PKNOX1: variants seen among roughly 807,000 people sequenced by gnomAD.
PKNOX1 encodes the protein PBX/knotted 1 homeobox 1.
Under a neutral mutation model 51.9 loss-of-function variants are expected in PKNOX1, and 15 were observed. The ratio of observed to expected loss-of-function variants is 0.29; its 90% confidence interval spans 0.19 to 0.45. The LOEUF (loss-of-function observed/expected upper bound fraction) is 0.45. Among genes scored for constraint, PKNOX1 ranks in the 20% least tolerant of loss-of-function variants. The pLI, the probability that PKNOX1 is intolerant of heterozygous loss-of-function variation, is 1.00. For missense variants in PKNOX1, 462 were observed against 547.5 expected, an observed-to-expected ratio of 0.84 and a Z score of 1.56; for synonymous variants, 219 against 211.1, an observed-to-expected ratio of 1.04 and a Z score of -0.32.
rs146858763 is a variant in PKNOX1, at chr21:43,004,380, C to T, written c.-2C>T. The T allele has an allele frequency of 1.0e-5, 16 of 1,601,476 alleles. No individual in the cohort carries two copies. Among genetic ancestry groups the T allele is most frequent in the East Asian group, 4.5e-5 (2 of 44,802 alleles). On this transcript the variant is annotated 5_prime_UTR_variant, in exon 2 of 11. Transcript: ENST00000291547. ...TGATGTCTTATAAAACTCTGATGAACCATGATGGCTACACAGACATTAAGT... is the reference window on the plus strand; with the variant it reads ...TGATGTCTTATAAAACTCTGATGAATCATGATGGCTACACAGACATTAAGT...
Position 43,004,608 on chromosome 21 carries a change from G to A in PKNOX1, c.51+176G>A, listed in dbSNP as rs373226819. On this transcript the variant is annotated intron_variant, in intron 2 of 10. Coordinates refer to ENST00000291547, the MANE Select transcript of PKNOX1 (RefSeq NM_004571.5). ...AAAAGCCATAGAATAATACTATTTC[G>A]TTAACTGATACCAAGATTGCCAGGA... Among the ~76,000 whole-genome samples, 6 of 152,204 alleles carry A rather than the reference G, an allele frequency of 3.9e-5. No homozygotes were observed. The East Asian group carries it at 5.8e-4, about 15-fold the overall frequency.
At chr21:42,981,562 A>T (rs2059026073) in intron 1 of PKNOX1, among the ~76,000 whole-genome samples, 1 of 140,624 alleles carries the variant, frequency 7.1e-6, no homozygotes, top group African/African-American at 2.5e-5. Context: ...ATTTAATTTT[A>T]ATTTTATTTT....
rs376866455 is a variant in PKNOX1 at position 42,991,236 on chromosome 21, C to T, written c.-56-13090C>T. On this transcript the variant is annotated intron_variant, in intron 1 of 10. Transcript: ENST00000291547. ...GCACTGTGACTCACAGCTGTAACCC[C>T]AGCATTTCGTGAGGCCAAGGTGGGA... is the stretch of plus-strand genomic sequence containing the variant. 5.3e-5 allele frequency among the ~76,000 whole-genome samples: 8 copies of T among 151,866 alleles called. No homozygotes were observed. In the South Asian group the frequency reaches 6.2e-4, roughly 12 times the overall value.
intron 1 of PKNOX1, among the ~76,000 whole-genome samples, chr21:42,978,516 C>T (rs1235941328): frequency 7.2e-6 from 1 of 139,104 alleles, no homozygotes; most frequent in Non-Finnish European, 1.5e-5. Flanking sequence ...GATGGAGTCG[C>T]TCTGTCGCCC....
chr21:42,985,721 G>A (rs938702609), intron 1 of PKNOX1, among the ~76,000 whole-genome samples: 5 of 151,960 alleles, frequency 3.3e-5, no homozygotes, highest in African/African-American at 9.7e-5. Context: ...ATTGCAGGCC[G>A]GGCGTGGTGG....
At chr21:43,009,572 C>T (rs1398839289) in intron 3 of PKNOX1, among the ~76,000 whole-genome samples, 2 of 134,760 alleles carry the variant, frequency 1.5e-5, no homozygotes, top group East Asian at 4.5e-4. Flanking sequence ...GATCGTGCCG[C>T]TGCACTCCAG....
intron 1 of PKNOX1, among the ~76,000 whole-genome samples, chr21:42,976,217 ACTT>A (rs1322317781): frequency 6.6e-6 from 1 of 151,852 alleles, no homozygotes. Context: ...ACAGTATACT[ACTT>A]AAAGTGTGCA....
intron 1 of PKNOX1, among the ~76,000 whole-genome samples, chr21:42,982,789 A>G (rs910320098): frequency 2.0e-5 from 3 of 152,018 alleles, no homozygotes; most frequent in Non-Finnish European, 4.4e-5. Flanking sequence ...GTTCTTCTAA[A>G]TTTAGTTACG....
At chr21:42,978,917 A>G (rs2059012286) in intron 1 of PKNOX1, among the ~76,000 whole-genome samples, 1 of 151,974 alleles carries the variant, frequency 6.6e-6, no homozygotes, top group African/African-American at 2.4e-5. Context: ...TATGTTTTTG[A>G]GAGACAGGGT....
At chr21:42,997,900 C>T (rs768321623) in intron 1 of PKNOX1, among the ~76,000 whole-genome samples, 15 of 151,938 alleles carry the variant, frequency 9.9e-5, no homozygotes, top group South Asian at 2.1e-4. Flanking sequence ...ACTTGGAGTG[C>T]GGAAGGGGGT....
intron 1 of PKNOX1, among the ~76,000 whole-genome samples, chr21:42,991,882 G>A (rs1397045183): frequency 1.3e-5 from 2 of 152,164 alleles, no homozygotes; most frequent in African/African-American, 4.8e-5. Context: ...ATTTATTTAT[G>A]TACTTACTGA....
chr21:43,019,391 C>CAAATA (rs1023340431), intron 7 of PKNOX1, among the ~76,000 whole-genome samples: 5 of 101,514 alleles, frequency 4.9e-5, no homozygotes, highest in Non-Finnish European at 9.8e-5. Flanking sequence ...AACTCCATCT[C>CAAATA]AAATAAAATA....
At position 42,987,618 on chromosome 21, in the gene PKNOX1, CTT is replaced by C. The variant is rs34065433; in HGVS notation, c.-57+12970_-57+12971del. On this transcript the variant is annotated intron_variant, in intron 1 of 10. Coordinates refer to ENST00000291547, the MANE Select transcript of PKNOX1 (RefSeq NM_004571.5). Reference sequence around the variant, plus strand: ...GCCCTAGGGCTGAGAATGGTTTCTACTTTTTTTTTTTTTTTTTGAGATGGAGT... The same window carrying C: ...GCCCTAGGGCTGAGAATGGTTTCTACTTTTTTTTTTTTTTTGAGATGGAGT... Among the ~76,000 whole-genome samples, 969 of 113,092 alleles carry C rather than the reference CTT, an allele frequency of 8.6e-3. 13 individuals are homozygous for C. Among genetic ancestry groups the C allele is most frequent in the African/African-American group, 0.028 (854 of 30,298 alleles). 74.2% of individuals were successfully genotyped at this position (113,092 alleles called of 152,430 possible). A position where few individuals can be genotyped will look rare whatever the true frequency, so the allele number is the denominator to read the frequency against.
intron 3 of PKNOX1, among the ~76,000 whole-genome samples, chr21:43,009,554 T>A (rs949943307): frequency 7.6e-6 from 1 of 132,412 alleles, no homozygotes; most frequent in Non-Finnish European, 1.5e-5. Context: ...GAGGTTGCAG[T>A]GACCCGAGAT....
At position 43,018,170 on chromosome 21, in the gene PKNOX1, C is replaced by G. The variant is rs752476717; in HGVS notation, c.660C>G (p.Pro220=). 1.4e-5 allele frequency: 22 copies of G among 1,613,754 alleles called. No homozygotes were observed. In the South Asian group the frequency reaches 2.3e-4, roughly 17 times the overall value. Reference sequence around the variant, plus strand: ...ATCAGCCTGTCACGGTCGTCACTCCCCAAGGCCAAGTGGTCACACAGACAT... The same window carrying G: ...ATCAGCCTGTCACGGTCGTCACTCCGCAAGGCCAAGTGGTCACACAGACAT... The part of the protein sequence containing the change: ...TVYQPVTVVT[P]QGQVVTQTLS... The change falls in exon 7 of 11, where the codon CCC becomes CCG. Residue 220 remains proline (P), a synonymous_variant. Coordinates refer to ENST00000291547, the MANE Select transcript of PKNOX1 (RefSeq NM_004571.5).
Position 43,013,169 on chromosome 21 carries a change from A to T in PKNOX1, c.453A>T (p.Lys151Asn). The change falls in exon 5 of 11, where the codon AAA (lysine) becomes AAT (asparagine). Residue 151 changes from lysine to asparagine, a missense_variant. Physicochemically the swap from Lys to Asn is moderately conservative, Grantham distance 94. Transcript: ENST00000291547. ...DFCSRYIACL[K>N]TKMNSETLLS... ...GCAGTCGATACATTGCTTGTCTGAA[A>T]ACAAAAATGAACAGTGAAACTCTGT... The T allele has an allele frequency of 1.2e-6, 2 of 1,614,060 alleles. No individual in the cohort carries two copies. The highest frequency in any genetic ancestry group is 1.7e-6 in the Non-Finnish European group (2 of 1,179,918).
At chr21:43,023,723 T>C (rs1347767238) in intron 8 of PKNOX1, among the ~76,000 whole-genome samples, 2 of 152,078 alleles carry the variant, frequency 1.3e-5, no homozygotes, top group East Asian at 3.8e-4. Context: ...CAAGCAATTC[T>C]TCTGCCTCAG....
At chr21:43,009,301 G>A (rs964373101) in intron 3 of PKNOX1, among the ~76,000 whole-genome samples, 1 of 152,086 alleles carries the variant, frequency 6.6e-6, no homozygotes, top group South Asian at 2.1e-4. Context: ...AAAATTAGCC[G>A]AGTCATGGTG....
chr21:42,982,190 A>G (rs1281911696), intron 1 of PKNOX1, among the ~76,000 whole-genome samples: 3 of 152,118 alleles, frequency 2.0e-5, no homozygotes, highest in Non-Finnish European at 2.9e-5. Flanking sequence ...TACCTGGCCC[A>G]GGGAGTGGTG....
Sources: gnomAD v4.1 joint callset for allele counts (sites outside exome capture counted in the v4.1 genomes callset) on GRCh38, gnomAD v4.1.1 for gene constraint, MANE v1.5 for transcripts, NCBI Gene and HGNC (gene_info 2026-07-23, HGNC 2026-07-21) for gene names.